Variants in RBFOX1 observed in about 807,000 individuals in gnomAD.
RBFOX1 encodes the protein RNA binding fox-1 homolog 1.
RBFOX1 carries 8 observed loss-of-function variants against 57.7 expected under a neutral mutation model. The ratio of observed to expected loss-of-function variants is 0.14; its 90% CI spans 0.08 to 0.25. The LOEUF (loss-of-function observed/expected upper bound fraction) is 0.25. Ranked by LOEUF, RBFOX1 falls within the 10% of genes least tolerant of loss-of-function variation. The pLI is 1.00. For synonymous variants in RBFOX1, 326 were observed against 222.4 expected (o/e 1.47, Z -4.15); for missense variants, 611 against 548.5 (o/e 1.11, Z -1.14).
chr16:7,381,086 T>C (rs2097775174), intron 4 of RBFOX1, among the ~76,000 whole-genome samples: 1 of 152,200 alleles, frequency 6.6e-6, no homozygotes. Flanking sequence ...CTGGAGATGT[T>C]ATGCGTCAAA....
At chr16:7,223,125 C>T (rs923185463) in intron 4 of RBFOX1, among the ~76,000 whole-genome samples, 1 of 152,152 alleles carries the variant, frequency 6.6e-6, no homozygotes, top group South Asian at 2.1e-4. Flanking sequence ...GGTAGCTCAC[C>T]ACATCTACAA....
intron 4 of RBFOX1, among the ~76,000 whole-genome samples, chr16:7,469,356 C>T (rs2061134178): frequency 1.3e-5 from 2 of 152,108 alleles, no homozygotes. Flanking sequence ...GCCACCGCAC[C>T]TGGCCCCAGC....
At chr16:6,228,416 AACACACACACAGAC>A (rs1282308022) in intron 1 of RBFOX1, among the ~76,000 whole-genome samples, 4 of 40,486 alleles carry the variant, frequency 9.9e-5, no homozygotes, top group Admixed American at 4.4e-4. Context: ...GAAAATTTTT[AACACACACACAGAC>A]ACACACACAC....
chr16:6,112,841 G>C (rs2096461047), intron 1 of RBFOX1, among the ~76,000 whole-genome samples: 1 of 152,206 alleles, frequency 6.6e-6, no homozygotes, highest in African/African-American at 2.4e-5. Context: ...GAGTAGGATT[G>C]ACTGGTTTGG....
intron 3 of RBFOX1, among the ~76,000 whole-genome samples, chr16:7,040,728 A>T (rs1313472551): frequency 6.6e-6 from 1 of 152,202 alleles, no homozygotes; most frequent in Non-Finnish European, 1.5e-5. Context: ...TATAGGTTAA[A>T]AATGATTTTA....
intron 3 of RBFOX1, among the ~76,000 whole-genome samples, chr16:7,034,411 C>G (rs541706937): frequency 5.8e-4 from 88 of 152,112 alleles, no homozygotes; most frequent in African/African-American, 2.0e-3. Context: ...CCAGGGGTCT[C>G]GGGATGATGA....
At chr16:6,982,993 T>TAAAAAA (rs370173635) in intron 3 of RBFOX1, among the ~76,000 whole-genome samples, 8 of 79,356 alleles carry the variant, frequency 1.0e-4, no homozygotes, top group African/African-American at 2.3e-4. Flanking sequence ...AGACTCTGTC[T>TAAAAAA]AAAAAAAAAA....
intron 2 of RBFOX1, among the ~76,000 whole-genome samples, chr16:6,623,850 G>C (rs1188712829): frequency 6.6e-6 from 1 of 152,122 alleles, no homozygotes; most frequent in Non-Finnish European, 1.5e-5. Context: ...ATCATTGTTG[G>C]ACATTTGGGT....
At chr16:5,262,657 C>A (rs2062764144) in intron 1 of RBFOX1, among the ~76,000 whole-genome samples, 1 of 152,180 alleles carries the variant, frequency 6.6e-6, no homozygotes, top group Non-Finnish European at 1.5e-5. Context: ...TCTGCTCTTT[C>A]TCTGGAGAAC....
chr16:7,617,065 T>G (rs1387134670), intron 10 of RBFOX1, among the ~76,000 whole-genome samples: 2 of 151,574 alleles, frequency 1.3e-5, no homozygotes, highest in African/African-American at 2.4e-5. Flanking sequence ...GATGATGGCA[T>G]AAGAAACATG....
intron 3 of RBFOX1, among the ~76,000 whole-genome samples, chr16:5,653,621 C>G (rs1323317807): frequency 6.6e-6 from 1 of 152,182 alleles, no homozygotes; most frequent in East Asian, 1.9e-4. Flanking sequence ...CGCTAACAGA[C>G]CAGAAGCCTG....
At chr16:6,112,664 C>G (rs916869904) in intron 1 of RBFOX1, among the ~76,000 whole-genome samples, 11 of 151,520 alleles carry the variant, frequency 7.3e-5, no homozygotes, top group Non-Finnish European at 1.3e-4. Context: ...GCACTCCAGC[C>G]TGGGCAACAA....
At chr16:5,716,379 C>T (rs1039375965) in intron 3 of RBFOX1, among the ~76,000 whole-genome samples, 2 of 152,160 alleles carry the variant, frequency 1.3e-5, no homozygotes, top group Admixed American at 6.5e-5. Flanking sequence ...GTTATTTTTC[C>T]TGATCCTCTC....
chr16:6,283,772 T>A (rs2076630118), intron 1 of RBFOX1, among the ~76,000 whole-genome samples: 1 of 152,230 alleles, frequency 6.6e-6, no homozygotes, highest in Non-Finnish European at 1.5e-5. Flanking sequence ...GTACTCTAAT[T>A]AGAAATTGTA....
At chr16:5,618,216 A>G (rs1028458921) in intron 3 of RBFOX1, among the ~76,000 whole-genome samples, 5 of 152,174 alleles carry the variant, frequency 3.3e-5, no homozygotes, top group African/African-American at 1.2e-4. Flanking sequence ...TGAGAGTCAT[A>G]GAGATGGAAT....
chr16:5,266,475 C>T (rs1212435417), intron 1 of RBFOX1, among the ~76,000 whole-genome samples: 2 of 151,540 alleles, frequency 1.3e-5, no homozygotes, highest in African/African-American at 2.4e-5. Context: ...ATGGAAGAGA[C>T]CCCAGGAATA....
chr16:6,588,173 G>T (rs577348057), intron 2 of RBFOX1, among the ~76,000 whole-genome samples: 110 of 152,110 alleles, frequency 7.2e-4, no homozygotes, highest in Non-Finnish European at 7.6e-4. Context: ...AGAGGTTGCA[G>T]TGAGCTGAGA....
At chr16:6,878,114 A>G (rs535535833) in intron 3 of RBFOX1, among the ~76,000 whole-genome samples, 1 of 152,200 alleles carries the variant, frequency 6.6e-6, no homozygotes, top group African/African-American at 2.4e-5. Context: ...CGTGTATGCA[A>G]GGACTTCTAA....
intron 4 of RBFOX1, among the ~76,000 whole-genome samples, chr16:7,057,658 A>T (rs1025548715): frequency 6.6e-6 from 1 of 152,082 alleles, no homozygotes; most frequent in Non-Finnish European, 1.5e-5. Context: ...CCCAGGGCCA[A>T]CTCTTGAGGG....
Sources: allele counts gnomAD v4.1 joint callset (sites outside exome capture counted in the v4.1 genomes callset), GRCh38; gene constraint gnomAD v4.1.1; transcripts MANE v1.5; gene names NCBI Gene and HGNC (gene_info 2026-07-23, HGNC 2026-07-21).